The following GALNT10 variants were observed in gnomAD, a reference collection of about 807,000 sequenced individuals.
GALNT10 encodes the protein GalNAc transferase 10.
In GALNT10, 41 loss-of-function variants were observed where a neutral mutation model predicts 75.0. That is an observed-to-expected ratio of 0.55 (90% CI 0.43 to 0.71). The LOEUF (loss-of-function observed/expected upper bound fraction) is 0.71, where lower values mean the gene tolerates loss of function less well. Among genes scored for constraint, GALNT10 ranks in the 30% least tolerant of loss-of-function variants. The pLI is 0.00. For missense variants in GALNT10, 727 were observed against 818.5 expected (o/e 0.89, Z 1.36); for synonymous variants, 302 against 313.0 (o/e 0.96, Z 0.37).
chr5:154,218,089 G>A lies in GALNT10; in HGVS notation c.159+27064G>A, dbSNP rs769590090. The A allele has an allele frequency of 5.1e-5, 50 of 984,948 alleles. No individual in the cohort carries two copies. The South Asian group carries it at 8.5e-4, about 17-fold the overall frequency. The allele number at this position is 984,948 out of a possible 1,614,324, so 61.0% of individuals were successfully genotyped here. On this transcript the variant is annotated intron_variant, in intron 1 of 11. Coordinates refer to ENST00000297107, the MANE Select transcript of GALNT10 (RefSeq NM_198321.4). ...GACTGAGACCAGGATTATTCCCACCGCCCAAGAGCAGAGAGGGCTCAGATG... is the reference window on the plus strand; with the variant it reads ...GACTGAGACCAGGATTATTCCCACCACCCAAGAGCAGAGAGGGCTCAGATG...
chr5:154,406,657 C>T (rs1169814573), intron 8 of GALNT10, among the ~76,000 whole-genome samples: 4 of 152,058 alleles, frequency 2.6e-5, no homozygotes, highest in Admixed American at 6.6e-5. Context: ...ATTAGCCAGG[C>T]GTGGTGGTGT....
At chr5:154,274,942 T>C (rs1170384689) in intron 1 of GALNT10, among the ~76,000 whole-genome samples, 1 of 152,210 alleles carries the variant, frequency 6.6e-6, no homozygotes, top group Non-Finnish European at 1.5e-5. Flanking sequence ...GCCTTACACC[T>C]GGCCACTCCC....
Position 154,394,353 on chromosome 5 carries a change from T to TC in GALNT10, c.1056+7926dup, listed in dbSNP as rs1582009165. ...AAAAAAAAAACTCTGATTTTTTTTT[T>TC]CCCATAAAACTCAGTGTTATCAAGA... On this transcript the variant is annotated intron_variant, in intron 7 of 11. Coordinates refer to ENST00000297107, the MANE Select transcript of GALNT10 (RefSeq NM_198321.4). Among the ~76,000 whole-genome samples, 8 of 149,580 alleles carry TC rather than the reference T, an allele frequency of 5.3e-5. 1 individual carries two copies. The highest frequency in any genetic ancestry group is 4.2e-4 in the South Asian group (2 of 4,706).
rs1031724430 is a variant in GALNT10 at position 154,412,768 on chromosome 5, A to C, written c.1387-121A>C. The stretch of plus-strand genomic sequence containing the variant: ...CAACAGCCCAGGGCAAGCTTTATCA[A>C]GACGATTTGAAGGTTAATCCAGCTA... On this transcript the variant is annotated intron_variant, in intron 9 of 11. Transcript: ENST00000297107. This position sits in a 1 kb window ranked among gnomAD's most constrained non-coding sequence, Gnocchi z 4.2. The C allele has an allele frequency of 1.3e-5, 10 of 764,926 alleles. No homozygotes were observed. The highest frequency in any genetic ancestry group is 2.1e-5 in the Non-Finnish European group (9 of 426,536). 47.4% of individuals were successfully genotyped at this position (764,926 alleles called of 1,614,324 possible).
intron 1 of GALNT10, among the ~76,000 whole-genome samples, chr5:154,218,833 C>A (rs1752923451): frequency 6.6e-6 from 1 of 152,136 alleles, no homozygotes; most frequent in Admixed American, 6.5e-5. Context: ...AAGACAGAAG[C>A]CTTGGCTTTC....
At chr5:154,347,282 A>T in intron 4 of GALNT10, 1 of 461,498 alleles carries the variant, frequency 2.2e-6, no homozygotes. Context: ...CAGAATCCAA[A>T]CTCAAATTTA....
chr5:154,391,675 T>G (rs1456278618), intron 7 of GALNT10, among the ~76,000 whole-genome samples: 1 of 152,242 alleles, frequency 6.6e-6, no homozygotes, highest in Non-Finnish European at 1.5e-5. Context: ...GTCAATCTGA[T>G]TTAAGCAAAA....
chr5:154,290,341 T>C (rs1296011168), intron 1 of GALNT10, among the ~76,000 whole-genome samples: 1 of 142,032 alleles, frequency 7.0e-6, no homozygotes, highest in East Asian at 2.1e-4. Flanking sequence ...CAAACTGACC[T>C]CAAGTGATCC....
At chr5:154,290,841 G>C (rs1268109947) in intron 1 of GALNT10, among the ~76,000 whole-genome samples, 3 of 152,172 alleles carry the variant, frequency 2.0e-5, no homozygotes, top group Admixed American at 1.3e-4. Flanking sequence ...TTGGACTTCA[G>C]TTCCTTTATC....
rs1367220913 is a variant in GALNT10 at position 154,418,326 on chromosome 5, A to T, written c.*1354A>T. ...AGTGGAGAAAAGAACCCGACGTCCC[A>T]CAGCCAGATATACACCCAGCTCCAT... is the stretch of plus-strand genomic sequence containing the variant. On this transcript the variant is annotated 3_prime_UTR_variant, in exon 12 of 12. Transcript: ENST00000297107. 6.6e-6 allele frequency: 1 copy of T among 152,296 alleles called. No individual in the cohort carries two copies. The highest frequency in any genetic ancestry group is 1.9e-4 in the East Asian group (1 of 5,200). The allele number at this position is 152,296 out of a possible 1,614,324, so 9.4% of individuals were successfully genotyped here.
chr5:154,317,382 C>A (rs1364505782), intron 3 of GALNT10, among the ~76,000 whole-genome samples: 1 of 152,146 alleles, frequency 6.6e-6, no homozygotes, highest in Non-Finnish European at 1.5e-5. Context: ...CAGCATTAAG[C>A]CCTGATGGTA....
intron 1 of GALNT10, among the ~76,000 whole-genome samples, chr5:154,290,258 A>ATTTTTT (rs71577131): frequency 8.8e-4 from 87 of 98,898 alleles, no homozygotes; most frequent in African/African-American, 1.3e-3. Context: ...CACTCAGCTA[A>ATTTTTT]TTTTTTTTTT....
At chr5:154,222,585 T>G (rs542079817) in intron 1 of GALNT10, among the ~76,000 whole-genome samples, 1 of 152,326 alleles carries the variant, frequency 6.6e-6, no homozygotes, top group South Asian at 2.1e-4. Context: ...CCACCATCAG[T>G]GTATAAGAGT....
intron 4 of GALNT10, among the ~76,000 whole-genome samples, chr5:154,344,457 A>G (rs1755089062): frequency 1.3e-5 from 2 of 152,116 alleles, no homozygotes; most frequent in South Asian, 2.1e-4. Flanking sequence ...TGATCCGCCC[A>G]CCTTGGCCTC....
chr5:154,307,709 C>T (rs1228372673), intron 3 of GALNT10, among the ~76,000 whole-genome samples: 1 of 151,454 alleles, frequency 6.6e-6, no homozygotes, highest in African/African-American at 2.4e-5. Context: ...GTAAAACCAG[C>T]ATTATCCTGA....
intron 3 of GALNT10, among the ~76,000 whole-genome samples, chr5:154,313,875 A>G (rs541885255): frequency 1.2e-3 from 187 of 152,252 alleles, no homozygotes; most frequent in African/African-American, 4.3e-3. Flanking sequence ...TTCACACTCT[A>G]CCCACTAAGA....
intron 1 of GALNT10, among the ~76,000 whole-genome samples, chr5:154,252,720 C>T (rs2098391481): frequency 6.6e-6 from 1 of 151,804 alleles, no homozygotes; most frequent in South Asian, 2.1e-4. Context: ...TCAGTTTGTG[C>T]TTTCAAATCT....
At position 154,294,825 on chromosome 5, in the gene GALNT10, A is replaced by T. The variant is rs765419989; in HGVS notation, c.169A>T (p.Ser57Cys). The T allele has an allele frequency of 2.0e-6, 3 of 1,514,000 alleles. No homozygotes were observed. In the Admixed American group the frequency reaches 5.0e-5, roughly 25 times the overall value. The allele number at this position is 1,514,000 out of a possible 1,614,324, so 93.8% of individuals were successfully genotyped here. Residue 57 changes from serine to cysteine, a missense_variant, in exon 2 of 12, where the codon AGT becomes TGT. Ser to Cys is a moderately radical substitution (Grantham distance 112). Transcript: ENST00000297107. Reference protein sequence around the residue: ...VAPAAGQGSHSRQKKTFFLGD... With the variant: ...VAPAAGQGSHCRQKKTFFLGD... ...TTTGTCTTTTTTTAAGGGCTCACAC[A>T]GTCGACAAAAGAAAACGTTTTTCTT... is the stretch of plus-strand genomic sequence containing the variant.
At chr5:154,272,413 G>T (rs1317496838) in intron 1 of GALNT10, among the ~76,000 whole-genome samples, 5 of 151,828 alleles carry the variant, frequency 3.3e-5, no homozygotes, top group Non-Finnish European at 5.9e-5. Flanking sequence ...TTAGGCTCAG[G>T]GTCCTCTTCA....
Sources: gnomAD v4.1 joint callset for allele counts (sites outside exome capture counted in the v4.1 genomes callset) on GRCh38, gnomAD v4.1.1 for gene constraint, Gnocchi (gnomAD v3.1) non-coding constraint, MANE v1.5 for transcripts, NCBI Gene and HGNC (gene_info 2026-07-23, HGNC 2026-07-21) for gene names.